NIBAN3: variants seen among roughly 807,000 people sequenced by gnomAD.
NIBAN3 encodes niban apoptosis regulator 3.
Under a neutral mutation model 76.4 loss-of-function variants are expected in NIBAN3, and 66 were observed. The ratio of observed to expected loss-of-function variants is 0.86; its 90% confidence interval spans 0.71 to 1.06. The LOEUF (loss-of-function observed/expected upper bound fraction) is 1.06. NIBAN3 is among the 50% of genes least tolerant of loss of function. The pLI, the probability that NIBAN3 is intolerant of heterozygous loss-of-function variation, is 0.00. For missense variants in NIBAN3, 808 were observed against 810.7 expected (o/e 1.00, Z 0.04); for synonymous variants, 360 against 355.2 (o/e 1.01, Z -0.15).
At chr19:17,544,274 C>T (rs1428656118) in intron 12 of NIBAN3, among the ~76,000 whole-genome samples, 5 of 152,144 alleles carry the variant, frequency 3.3e-5, no homozygotes, top group Non-Finnish European at 5.9e-5. Context: ...CCAGCCTGGG[C>T]AACAGAGCAA....
At chr19:17,535,776 C>T (rs574187188) in intron 4 of NIBAN3, among the ~76,000 whole-genome samples, 6 of 150,474 alleles carry the variant, frequency 4.0e-5, no homozygotes, top group Non-Finnish European at 5.9e-5. Flanking sequence ...AGGTGGCTCA[C>T]GCCTGCAGTC....
upstream of NIBAN3, chr19:17,527,245 C>A (rs1436759897): frequency 6.5e-7 from 1 of 1,549,568 alleles, no homozygotes; most frequent in East Asian, 2.4e-5. Flanking sequence ...CCCACTGTGA[C>A]CAAGCCTCTC....
chr19:17,549,050 A>G (rs990121807), intron 13 of NIBAN3, among the ~76,000 whole-genome samples: 2 of 152,178 alleles, frequency 1.3e-5, no homozygotes, highest in Non-Finnish European at 2.9e-5. Flanking sequence ...GCATCTAAAC[A>G]AGAAAAATGG....
intron 1 of NIBAN3, among the ~76,000 whole-genome samples, chr19:17,529,327 G>A (rs1251969093): frequency 6.6e-6 from 1 of 152,046 alleles, no homozygotes; most frequent in Non-Finnish European, 1.5e-5. Flanking sequence ...GAGAGGTGTG[G>A]AAGCAGGCAG....
At chr19:17,539,056 T>C (rs1240296415) in intron 5 of NIBAN3, 94 bp from the exon 6 acceptor site, 6 of 1,079,372 alleles carry the variant, frequency 5.6e-6, no homozygotes, top group Non-Finnish European at 6.6e-6. Flanking sequence ...GACTTGGGTG[T>C]TGGGGACCTG....
At chr19:17,538,827 G>A (rs2075878937) in intron 5 of NIBAN3, among the ~76,000 whole-genome samples, 1 of 152,102 alleles carries the variant, frequency 6.6e-6, no homozygotes, top group Non-Finnish European at 1.5e-5. Context: ...AAGTAGGGGA[G>A]CAGCAGGACT....
chr19:17,525,985 C>T (rs191909350), upstream of NIBAN3, among the ~76,000 whole-genome samples: 6 of 151,900 alleles, frequency 3.9e-5, no homozygotes, highest in East Asian at 5.8e-4. Context: ...ACCCAGGAGG[C>T]GAAGGTGGCA....
At position 17,553,613 on chromosome 19, in the gene NIBAN3, T is replaced by C. The variant is rs1350793624; in HGVS notation, c.*1715T>C. 2 of 1,507,528 alleles carry C rather than the reference T, an allele frequency of 1.3e-6. No homozygotes were observed. Among genetic ancestry groups the C allele is most frequent in the Admixed American group, 3.4e-5 (2 of 59,672 alleles). 93.4% of individuals were successfully genotyped at this position (1,507,528 alleles called of 1,614,324 possible). ...TTCCCTCCAACCCCACCTTCCGAAA[T>C]ACATTTGCTCAATACATTTGCACTT... On this transcript the variant is annotated 3_prime_UTR_variant, in exon 15 of 15. Coordinates refer to ENST00000599164, the MANE Select transcript of NIBAN3 (RefSeq NM_001321827.2).
In NIBAN3 at chr19:17,533,664, T is replaced by C. The variant is rs1174284945; in HGVS notation, c.390T>C (p.Tyr130=). 2.5e-6 allele frequency: 4 copies of C among 1,613,882 alleles called. No individual in the cohort carries two copies. The highest frequency in any genetic ancestry group is 1.1e-5 in the South Asian group (1 of 91,080). The change falls in exon 4 of 15, where the codon TAT becomes TAC. Residue 130 remains tyrosine (Y), a synonymous_variant. Coordinates refer to ENST00000599164, the MANE Select transcript of NIBAN3 (RefSeq NM_001321827.2). ...CGCTCCTGACTTCCCAGCGAGAATA[T>C]CTCCGCCTTTTGGATGCTCTCTGCC... is the stretch of plus-strand genomic sequence containing the variant. ...GYTLLTSQRE[Y]LRLLDALCPE...
At chr19:17,526,945 G>A (rs1235305522), upstream of NIBAN3, among the ~76,000 whole-genome samples, 1 of 152,118 alleles carries the variant, frequency 6.6e-6, no homozygotes, top group Non-Finnish European at 1.5e-5. Flanking sequence ...CACAGGGTAG[G>A]CACAGTGCTG....
chr19:17,525,114 C>A (rs914166970), upstream of NIBAN3, among the ~76,000 whole-genome samples: 15 of 152,160 alleles, frequency 9.9e-5, no homozygotes, highest in African/African-American at 3.1e-4. Flanking sequence ...ATCTGAGGGG[C>A]CACACTCTGG....
In NIBAN3 at chr19:17,539,369, G is replaced by A. The variant is rs1227189124; in HGVS notation, c.734G>A (p.Arg245Gln). ...DAEVLTAVLM[R>Q]EQLPALRAQT... ...CAGGTGCTGACCGCGGTGCTGATGC[G>A]GGAGCAACTTCCCGCGCTGCGAGCC... The change falls in exon 7 of 15, where the codon CGG (arginine) becomes CAG (glutamine). Residue 245 changes from arginine (R) to glutamine (Q), a missense_variant. Physicochemically the swap from Arg to Gln is conservative, Grantham distance 43 (BLOSUM62 1). Transcript: ENST00000599164. 1 of 1,543,746 alleles carries A rather than the reference G, an allele frequency of 6.5e-7. No homozygotes were observed. Among genetic ancestry groups the A allele is most frequent in the Non-Finnish European group, 8.7e-7 (1 of 1,146,688 alleles).
At chr19:17,547,020 G>A (rs2076068292) in intron 13 of NIBAN3, among the ~76,000 whole-genome samples, 3 of 152,138 alleles carry the variant, frequency 2.0e-5, no homozygotes, top group African/African-American at 7.2e-5. Context: ...GGGATGTATA[G>A]GAGTTCTCAG....
At chr19:17,545,418 A>C (rs2076034833) in intron 12 of NIBAN3, 1 of 179,686 alleles carries the variant, frequency 5.6e-6, no homozygotes, top group African/African-American at 2.4e-5. Context: ...GAGTGTAGAA[A>C]TAAAGACACA....
At chr19:17,546,611 G>A in intron 12 of NIBAN3, 75 bp from the exon 13 acceptor site, 2 of 1,403,124 alleles carry the variant, frequency 1.4e-6, no homozygotes, top group Non-Finnish European at 1.9e-6. Flanking sequence ...CCCAGGGCTA[G>A]GGCAGAAGCC....
At position 17,539,728 on chromosome 19, in the gene NIBAN3, G is replaced by C; in HGVS notation, c.942G>C (p.Leu314=). The C allele has an allele frequency of 6.5e-7, 1 of 1,542,932 alleles. No individual in the cohort carries two copies. Among genetic ancestry groups the C allele is most frequent in the South Asian group, 1.2e-5 (1 of 84,104 alleles). ...CGATCCGCCCGGACGTGGACCAGCT[G>C]CTGCGGCAGCGGGCGCGTGTGGCGG... ...EKTIRPDVDQ[L]LRQRARVAGR... is the part of the protein sequence containing the mutation. Residue 314 remains leucine, a synonymous_variant, in exon 8 of 15, where the codon CTG becomes CTC. Transcript: ENST00000599164.
At chr19:17,525,105 T>C (rs558889553), upstream of NIBAN3, among the ~76,000 whole-genome samples, 33 of 152,284 alleles carry the variant, frequency 2.2e-4, no homozygotes, top group African/African-American at 7.9e-4. Flanking sequence ...GATCTTGCCA[T>C]CTGAGGGGCC....
At chr19:17,544,828 C>T (rs577926970) in intron 12 of NIBAN3, among the ~76,000 whole-genome samples, 1 of 152,320 alleles carries the variant, frequency 6.6e-6, no homozygotes, top group African/African-American at 2.4e-5. Context: ...GACACTCATA[C>T]TATTCCCTGT....
At chr19:17,523,413 C>G (rs374999039), upstream of NIBAN3, 10 of 1,554,274 alleles carry the variant, frequency 6.4e-6, no homozygotes, top group African/African-American at 1.4e-5. Context: ...CGGCAGGCCA[C>G]TCAGATGTGA....
Sources: allele counts gnomAD v4.1 joint callset (sites outside exome capture counted in the v4.1 genomes callset), GRCh38; gene constraint gnomAD v4.1.1; transcripts MANE v1.5; gene names NCBI Gene and HGNC (gene_info 2026-07-23, HGNC 2026-07-21).